RALY: variants seen among roughly 807,000 people sequenced by gnomAD.
RALY encodes RALY heterogeneous nuclear ribonucleoprotein.
Under a neutral mutation model 30.7 loss-of-function variants are expected in RALY, and 15 were observed. The ratio of observed to expected loss-of-function variants is 0.49; its 90% CI spans 0.33 to 0.75. The LOEUF (loss-of-function observed/expected upper bound fraction) is 0.75. RALY is among the 30% of genes least tolerant of loss of function. RALY has a pLI of 0.02. For synonymous variants in RALY, 177 were observed against 170.8 expected, an observed-to-expected ratio of 1.04 and a Z score of -0.28; for missense variants, 339 against 414.3, an observed-to-expected ratio of 0.82 and a Z score of 1.58.
intron 1 of RALY, among the ~76,000 whole-genome samples, chr20:34,004,621 A>G (rs947835555): frequency 2.0e-5 from 3 of 152,238 alleles, no homozygotes; most frequent in African/African-American, 7.2e-5. Context: ...GAGCAGAACA[A>G]GGTCATGTCG....
chr20:33,997,386 G>A (rs1256891142), intron 1 of RALY, among the ~76,000 whole-genome samples: 2 of 152,134 alleles, frequency 1.3e-5, no homozygotes, highest in Admixed American at 6.5e-5. Flanking sequence ...AAAGTGCTGG[G>A]ATTACAGGCA....
intron 1 of RALY, among the ~76,000 whole-genome samples, chr20:34,017,018 C>T (rs1434789748): frequency 7.0e-6 from 1 of 143,612 alleles, no homozygotes; most frequent in Admixed American, 6.9e-5. Flanking sequence ...AACAGTTCTG[C>T]TGGTGTAGCC....
At chr20:34,033,667 C>T (rs1383950089) in intron 2 of RALY, among the ~76,000 whole-genome samples, 1 of 152,134 alleles carries the variant, frequency 6.6e-6, no homozygotes, top group African/African-American at 2.4e-5. Context: ...GGATCTGCCC[C>T]CAACGATCCA....
In RALY at chr20:34,052,733, C is replaced by T. The variant is rs377425615; in HGVS notation, c.-9-19333C>T. ...CGTGCAAAGTCGAACTCTGTTCTTC[C>T]TGCTGTAAGAAATTTGAGTTATATC... is the stretch of plus-strand genomic sequence containing the variant. On this transcript the variant is annotated intron_variant, in intron 2 of 9. Coordinates refer to ENST00000246194, the MANE Select transcript of RALY (RefSeq NM_016732.3). 1.2e-4 allele frequency among the ~76,000 whole-genome samples: 18 copies of T among 152,290 alleles called. No homozygotes were observed. In the East Asian group the frequency reaches 1.7e-3, roughly 15 times the overall value.
intron 2 of RALY, among the ~76,000 whole-genome samples, chr20:34,068,594 G>A (rs1192594450): frequency 2.0e-5 from 3 of 152,158 alleles, no homozygotes; most frequent in Non-Finnish European, 4.4e-5. Context: ...AGTAATAAGA[G>A]TACAAATAGA....
intron 2 of RALY, among the ~76,000 whole-genome samples, chr20:34,036,936 T>C (rs941480105): frequency 6.6e-6 from 1 of 152,182 alleles, no homozygotes; most frequent in East Asian, 1.9e-4. Context: ...TATTATTTTC[T>C]GTTTTATTTA....
intron 1 of RALY, among the ~76,000 whole-genome samples, chr20:34,019,837 G>A (rs1032272662): frequency 8.6e-5 from 13 of 152,040 alleles, no homozygotes; most frequent in African/African-American, 2.4e-4. Context: ...CGAGGCGGGC[G>A]GATCACGAGG....
chr20:34,035,152 C>CAAAAAAAAAAA (rs61301033), intron 2 of RALY, among the ~76,000 whole-genome samples: 3 of 32,520 alleles, frequency 9.2e-5, no homozygotes, highest in Non-Finnish European at 1.8e-4. Context: ...GACTCCATCT[C>CAAAAAAAAAAA]AAAAAAAAAA....
chr20:34,012,935 A>G (rs2031463943), intron 1 of RALY, among the ~76,000 whole-genome samples: 1 of 152,150 alleles, frequency 6.6e-6, no homozygotes, highest in Admixed American at 6.5e-5. Flanking sequence ...TGACTTACTG[A>G]TTTTTTGACT....
chr20:33,994,251 T>A (rs2030469947), intron 1 of RALY, 120 bp downstream of exon 1: 1 of 152,412 alleles, frequency 6.6e-6, no homozygotes, highest in Non-Finnish European at 1.5e-5. Flanking sequence ...ATTTCTGCCC[T>A]TCGGGGAGTC....
chr20:34,046,555 T>G (rs184185828), intron 2 of RALY, among the ~76,000 whole-genome samples: 1 of 152,328 alleles, frequency 6.6e-6, no homozygotes, highest in East Asian at 1.9e-4. Flanking sequence ...GTAACATTTC[T>G]TGGGAGGGTT....
At chr20:34,053,458 C>T (rs1243487095) in intron 2 of RALY, among the ~76,000 whole-genome samples, 1 of 125,220 alleles carries the variant, frequency 8.0e-6, no homozygotes, top group Admixed American at 1.1e-4. Flanking sequence ...AGTGCAATGG[C>T]ACAGTCATGG....
intron 2 of RALY, among the ~76,000 whole-genome samples, chr20:34,056,237 T>C (rs2033239046): frequency 6.6e-6 from 1 of 152,230 alleles, no homozygotes; most frequent in East Asian, 1.9e-4. Flanking sequence ...CTTCTGTAAC[T>C]TTCCTTATGC....
intron 2 of RALY, among the ~76,000 whole-genome samples, chr20:34,039,087 C>T (rs965002815): frequency 2.6e-5 from 4 of 152,196 alleles, no homozygotes; most frequent in South Asian, 2.1e-4. Flanking sequence ...TCTCCAAAGG[C>T]GCATTGGTCT....
intron 1 of RALY, among the ~76,000 whole-genome samples, chr20:34,010,935 T>G (rs1433823801): frequency 6.6e-6 from 1 of 151,222 alleles, no homozygotes; most frequent in African/African-American, 2.4e-5. Flanking sequence ...AACTGTGAGC[T>G]CTATGAAGGC....
At chr20:34,018,259 T>C (rs2031681974) in intron 1 of RALY, among the ~76,000 whole-genome samples, 1 of 152,176 alleles carries the variant, frequency 6.6e-6, no homozygotes, top group Admixed American at 6.5e-5. Context: ...GAAGATTGAT[T>C]TATTAGCAAG....
intron 2 of RALY, among the ~76,000 whole-genome samples, chr20:34,067,081 C>T (rs2033594614): frequency 6.6e-6 from 1 of 152,178 alleles, no homozygotes; most frequent in Non-Finnish European, 1.5e-5. Flanking sequence ...AACCAGTTAC[C>T]TTGCTTCTCT....
intron 2 of RALY, among the ~76,000 whole-genome samples, chr20:34,055,270 C>T (rs1042142184): frequency 2.0e-5 from 3 of 152,170 alleles, no homozygotes; most frequent in Admixed American, 2.0e-4. Flanking sequence ...AGCAATGTAT[C>T]TTCCATGTAA....
chr20:34,003,293 TTCCTCACAATGGTA>T (rs1390911761), intron 1 of RALY, among the ~76,000 whole-genome samples: 1 of 152,172 alleles, frequency 6.6e-6, no homozygotes, highest in Non-Finnish European at 1.5e-5. Context: ...ATATCTTGCC[TTCCTCACAATGGTA>T]TTGTGAGGAG....
Sources: gnomAD v4.1 joint callset for allele counts (sites outside exome capture counted in the v4.1 genomes callset) on GRCh38, gnomAD v4.1.1 for gene constraint, MANE v1.5 for transcripts, NCBI Gene and HGNC (gene_info 2026-07-23, HGNC 2026-07-21) for gene names.